TIMD4: variants seen among roughly 807,000 people sequenced by gnomAD.
TIMD4 encodes the protein T-cell immunoglobulin and mucin domain-containing protein 4.
A neutral mutation model predicts 41.2 loss-of-function variants in TIMD4; 31 were observed. The observed-to-expected ratio is 0.75, with a 90% confidence interval of 0.57 to 1.01. The LOEUF is 1.01. TIMD4 is among the 50% of genes least tolerant of loss of function. The probability of loss-of-function intolerance (pLI) is 0.00; values close to 1 mark genes in which losing one functional copy is unlikely to be tolerated. For missense variants in TIMD4, 479 were observed against 472.5 expected, an observed-to-expected ratio of 1.01 and a Z score of -0.13; for synonymous variants, 204 against 177.1, an observed-to-expected ratio of 1.15 and a Z score of -1.21.
At chr5:156,941,029 T>C (rs1759641330) in intron 5 of TIMD4, among the ~76,000 whole-genome samples, 1 of 152,196 alleles carries the variant, frequency 6.6e-6, no homozygotes, top group African/African-American at 2.4e-5. Context: ...AAGCCCCTGC[T>C]CTCTGAAACA....
chr5:156,954,746 A>G lies in TIMD4; in HGVS notation c.69T>C (p.Thr23=). 6.2e-7 allele frequency: 1 copy of G among 1,609,366 alleles called. No individual in the cohort carries two copies. The highest frequency in any genetic ancestry group is 1.1e-5 in the South Asian group (1 of 90,488). The part of the protein sequence containing the change: ...EFWWLYLTPV[T]SETVVTEVLG... ...AAACCTCCGTCACAACAGTCTCTGA[A>G]GTGACTGGTGCTGCAAGGAAAAATG... The change falls in exon 2 of 9, where the codon ACT becomes ACC. Residue 23 remains threonine (T), a synonymous_variant. Transcript: ENST00000274532.
At chr5:156,949,499 G>A in intron 4 of TIMD4, 152 bp downstream of exon 4, 1 of 614,734 alleles carries the variant, frequency 1.6e-6, no homozygotes, top group East Asian at 3.4e-5. Flanking sequence ...AAACTACAAA[G>A]GCTGCCTTGA....
intron 7 of TIMD4, among the ~76,000 whole-genome samples, chr5:156,921,644 AAAG>A (rs1561542989): frequency 1.0e-4 from 14 of 139,850 alleles, no homozygotes; most frequent in African/African-American, 2.5e-4. Flanking sequence ...AAAAAAAAAA[AAAG>A]AAGAAGAAAA....
chr5:156,931,661 T>C (rs1014140545), intron 5 of TIMD4, among the ~76,000 whole-genome samples: 1 of 152,198 alleles, frequency 6.6e-6, no homozygotes, highest in Non-Finnish European at 1.5e-5. Flanking sequence ...TAGCTTGTAT[T>C]TTGGTCTCTT....
intron 6 of TIMD4, among the ~76,000 whole-genome samples, chr5:156,925,876 C>A (rs1759338307): frequency 6.6e-6 from 1 of 152,070 alleles, no homozygotes; most frequent in Admixed American, 6.6e-5. Context: ...CTCTGCAAAC[C>A]TCTGCGGATT....
chr5:156,928,694 T>C (rs1759391563), intron 5 of TIMD4, among the ~76,000 whole-genome samples: 1 of 152,206 alleles, frequency 6.6e-6, no homozygotes, highest in African/African-American at 2.4e-5. Context: ...GAGAGCTGAT[T>C]TGTTCATCAG....
At chr5:156,943,197 C>T (rs1312397956) in intron 5 of TIMD4, among the ~76,000 whole-genome samples, 1 of 152,120 alleles carries the variant, frequency 6.6e-6, no homozygotes, top group Non-Finnish European at 1.5e-5. Context: ...GGTTTGTGAT[C>T]TGGAATAGCA....
At chr5:156,947,122 C>G (rs1581626695) in intron 5 of TIMD4, among the ~76,000 whole-genome samples, 1 of 151,856 alleles carries the variant, frequency 6.6e-6, no homozygotes, top group African/African-American at 2.4e-5. Context: ...CACTTGAGCC[C>G]AGGAGGCAGA....
chr5:156,963,055 C>A, intron 1 of TIMD4, 86 bp downstream of exon 1: 6 of 1,379,830 alleles, frequency 4.3e-6, no homozygotes, highest in Non-Finnish European at 6.2e-6. Context: ...TTCTGCTTCA[C>A]TGAGGCCCAA....
chr5:156,921,995 CCT>C, intron 7 of TIMD4, 102 bp downstream of exon 7: 2 of 818,988 alleles, frequency 2.4e-6, no homozygotes, highest in Non-Finnish European at 3.8e-6. Context: ...CAGAACTGAG[CCT>C]CTTTGGGGAG....
chr5:156,932,784 A>G (rs10056988), intron 5 of TIMD4, among the ~76,000 whole-genome samples: 1,877 of 152,004 alleles, frequency 0.012, 33 homozygotes, highest in African/African-American at 0.043. Flanking sequence ...AGGCGGATGG[A>G]TCACCTGAGG....
intron 5 of TIMD4, among the ~76,000 whole-genome samples, chr5:156,933,631 G>A (rs1194792421): frequency 6.6e-6 from 1 of 151,900 alleles, no homozygotes; most frequent in Admixed American, 6.6e-5. Context: ...GCAGTGGTGC[G>A]ATCTTGGCTC....
intron 4 of TIMD4, 123 bp from the exon 5 acceptor site, chr5:156,948,622 AT>A (rs1759791020): frequency 2.2e-6 from 1 of 454,710 alleles, no homozygotes; most frequent in Non-Finnish European, 3.6e-6. Flanking sequence ...AAAACAAAGT[AT>A]GTGCCAGACA....
intron 5 of TIMD4, among the ~76,000 whole-genome samples, chr5:156,944,573 C>T (rs1408636613): frequency 7.1e-6 from 1 of 141,252 alleles, no homozygotes; most frequent in East Asian, 2.2e-4. Flanking sequence ...GGCGCGATCT[C>T]GGCTCACTGC....
chr5:156,920,459 A>G lies in TIMD4; in HGVS notation c.1052+5T>C. On this transcript the variant is annotated splice_donor_5th_base_variant and intron_variant, in intron 8 of 8. Transcript: ENST00000274532. ...TACAACACCCATTCATGCAAGATAG[A>G]TTACCTTGTGTGTTTCTGCGAACAA... 1.9e-6 allele frequency: 3 copies of G among 1,613,942 alleles called. No homozygotes were observed. Among genetic ancestry groups the G allele is most frequent in the African/African-American group, 1.3e-5 (1 of 75,044 alleles).
chr5:156,959,911 CG>C (rs934297927), intron 1 of TIMD4, among the ~76,000 whole-genome samples: 10 of 152,000 alleles, frequency 6.6e-5, no homozygotes, highest in African/African-American at 2.4e-4. Context: ...GCTGTGGTGG[CG>C]GGCGCCTGCA....
intron 5 of TIMD4, among the ~76,000 whole-genome samples, chr5:156,947,208 T>A (rs1343656957): frequency 3.3e-5 from 5 of 149,432 alleles, no homozygotes; most frequent in East Asian, 1.9e-4. Context: ...AAAAAAAAAA[T>A]AAAATAGAAA....
At position 156,951,679 on chromosome 5, in the gene TIMD4, A is replaced by C; in HGVS notation, c.512T>G (p.Val171Gly). ...GGTTGTGAGATCGGGTGTGGTCACG[A>C]CTGTTGTTGGAAGTGCAGCTGGGGT... ...TTTPAALPTT[V>G]VTTPDLTTGT... Residue 171 changes from valine to glycine, a missense_variant, in exon 3 of 9, where the codon GTC (valine) becomes GGC (glycine). Val to Gly is a moderately radical substitution (Grantham distance 109, BLOSUM62 -3). Transcript: ENST00000274532. 6.2e-7 allele frequency: 1 copy of C among 1,613,796 alleles called. No individual in the cohort carries two copies. Among genetic ancestry groups the C allele is most frequent in the Non-Finnish European group, 8.5e-7 (1 of 1,179,950 alleles).
intron 3 of TIMD4, among the ~76,000 whole-genome samples, chr5:156,950,785 A>C (rs986880204): frequency 6.6e-6 from 1 of 152,140 alleles, no homozygotes; most frequent in Non-Finnish European, 1.5e-5. Context: ...TCCTCAACCA[A>C]TCTCTAATGC....
Sources: allele counts gnomAD v4.1 joint callset (sites outside exome capture counted in the v4.1 genomes callset), GRCh38; gene constraint gnomAD v4.1.1; transcripts MANE v1.5; gene names NCBI Gene and HGNC (gene_info 2026-07-23, HGNC 2026-07-21).